AP1S2: variants seen among roughly 807,000 people sequenced by gnomAD.
AP1S2 encodes the protein AP-1 complex subunit sigma-2.
AP1S2 carries 1 observed loss-of-function variant against 14.3 expected under a neutral mutation model. The observed-to-expected ratio is 0.07, with a 90% CI of 0.02 to 0.33. The LOEUF is 0.33. AP1S2 is among the 10% of genes least tolerant of loss of function. The pLI, the probability that AP1S2 is intolerant of heterozygous loss-of-function variation, is 0.99. For synonymous variants in AP1S2, 30 were observed against 40.5 expected (o/e 0.74, Z 0.99); for missense variants, 30 against 117.7 (o/e 0.25, Z 3.45).
intron 2 of AP1S2, 85 bp downstream of exon 2, chrX:15,852,261 A>T: frequency 1.2e-6 from 1 of 867,266 alleles, no homozygotes; most frequent in Non-Finnish European, 1.6e-6. Context: ...ATCGTTATTT[A>T]TAAATGTCAT....
chrX:15,833,277 C>T (rs1277397166), intron 4 of AP1S2: 1 of 753,060 alleles, frequency 1.3e-6, no homozygotes, highest in African/African-American at 2.3e-5. Flanking sequence ...CTATGAACTA[C>T]ACCAGCAATT....
chrX:15,845,571 A>C, intron 3 of AP1S2, 55 bp from the exon 4 acceptor site: 1 of 1,177,419 alleles, frequency 8.5e-7, no homozygotes, highest in South Asian at 1.9e-5. Flanking sequence ...AAACTTGCAG[A>C]AGCAGAAGAT....
In AP1S2 at chrX:15,840,478, T is replaced by C. The variant is rs930779519; in HGVS notation, c.426+4901A>G. On this transcript the variant is annotated intron_variant, in intron 4 of 5. Transcript: ENST00000672987. The stretch of plus-strand genomic sequence containing the variant: ...CTCCATTTTATCCATGCCACAAAAA[T>C]GGTAAATTTAGTAGTTACCAATAAA... 3 of 890,484 alleles carry C rather than the reference T, an allele frequency of 3.4e-6. No homozygotes were observed. In the African/African-American group the frequency reaches 6.3e-5, roughly 19 times the overall value. 73.4% of individuals were successfully genotyped at this position (890,484 alleles called of 1,213,427 possible).
rs1197957059 is a variant in AP1S2, at chrX:15,826,010, C to G, written c.*1315G>C. ...CTGAAAAAAAAATGAGAAATTCTTC[C>G]TTCAGCAGCTCTGCATAGTTTGACA... is the stretch of plus-strand genomic sequence containing the variant. On this transcript the variant is annotated 3_prime_UTR_variant, in exon 6 of 6. Transcript: ENST00000672987. The G allele has an allele frequency of 9.0e-6, 1 of 111,623 alleles. No homozygotes were observed. The highest frequency in any genetic ancestry group is 1.9e-5 in the Non-Finnish European group (1 of 53,100). 9.2% of individuals were successfully genotyped at this position (111,623 alleles called of 1,213,427 possible).
intron 4 of AP1S2, among the ~76,000 whole-genome samples, chrX:15,842,221 T>C (rs1234438059): frequency 8.9e-6 from 1 of 112,489 alleles, no homozygotes; most frequent in Non-Finnish European, 1.9e-5. Flanking sequence ...GAACATAATA[T>C]TCAAATACTC....
intron 4 of AP1S2, chrX:15,840,484 AT>A: frequency 1.1e-6 from 1 of 922,611 alleles, no homozygotes; most frequent in South Asian, 2.1e-5. Context: ...AAAATGGTAA[AT>A]TTAGTAGTTA....
chrX:15,849,126 TA>T (rs1188385539), intron 2 of AP1S2, among the ~76,000 whole-genome samples: 8 of 111,995 alleles, frequency 7.1e-5, no homozygotes, highest in Non-Finnish European at 1.3e-4. Flanking sequence ...TTTAAAGTCA[TA>T]AAACTAGCTA....
intron 2 of AP1S2, among the ~76,000 whole-genome samples, chrX:15,846,529 A>G (rs1332538958): frequency 1.8e-5 from 2 of 111,686 alleles, no homozygotes; most frequent in Non-Finnish European, 3.8e-5. Flanking sequence ...ACTCAACTAT[A>G]TATCAGCACC....
intron 2 of AP1S2, among the ~76,000 whole-genome samples, chrX:15,851,777 C>A (rs2147327248): frequency 9.0e-6 from 1 of 111,703 alleles, no homozygotes; most frequent in East Asian, 2.8e-4. Flanking sequence ...AATTGCACCC[C>A]CACCATAGCA....
chrX:15,832,065 A>AC (rs1395828933), intron 4 of AP1S2: 1 of 745,810 alleles, frequency 1.3e-6, no homozygotes, highest in African/African-American at 2.3e-5. Context: ...ACTTATACCT[A>AC]CAAAAGCAAA....
intron 4 of AP1S2, among the ~76,000 whole-genome samples, chrX:15,841,652 A>G (rs992454335): frequency 8.9e-6 from 1 of 112,044 alleles, no homozygotes; most frequent in Non-Finnish European, 1.9e-5. Context: ...TTATATCTAC[A>G]TATCCAATAA....
At chrX:15,838,630 G>A (rs1933727931) in intron 4 of AP1S2, among the ~76,000 whole-genome samples, 1 of 110,769 alleles carries the variant, frequency 9.0e-6, no homozygotes, top group African/African-American at 3.3e-5. Context: ...GAAATAGCAA[G>A]CGGAAAATCC....
rs768149575 is a variant in AP1S2 at position 15,828,066 on chromosome X, C to T, written c.435+126G>A. 11 of 417,325 alleles carry T rather than the reference C, an allele frequency of 2.6e-5. No individual in the cohort carries two copies. In the South Asian group the frequency reaches 6.0e-4, roughly 23 times the overall value. The allele number at this position is 417,325 out of a possible 1,213,427, so 34.4% of individuals were successfully genotyped here. On this transcript the variant is annotated intron_variant, in intron 5 of 5. Transcript: ENST00000672987. ...CCAAAGTGGCTGATTTTGCAAATCACAAAATAAAGGACCAAGGAGGCCAAC... is the reference window on the plus strand; with the variant it reads ...CCAAAGTGGCTGATTTTGCAAATCATAAAATAAAGGACCAAGGAGGCCAAC...
At position 15,850,200 on chromosome X, in the gene AP1S2, A is replaced by T. The variant is rs967658954; in HGVS notation, c.179+2146T>A. On this transcript the variant is annotated intron_variant, in intron 2 of 5. Coordinates refer to ENST00000672987, the MANE Select transcript of AP1S2 (RefSeq NM_001272071.2). The stretch of plus-strand genomic sequence containing the variant: ...TCCATACTTACACCAACCACATCCC[A>T]CCAGAAAATCAGGCTTCTCTTAATG... Among the ~76,000 whole-genome samples the T allele has an allele frequency of 5.4e-5, 6 of 111,032 alleles. No homozygotes were observed. The East Asian group carries it at 1.4e-3, about 26-fold the overall frequency.
At chrX:15,839,621 C>A (rs1933765334) in intron 4 of AP1S2, among the ~76,000 whole-genome samples, 1 of 108,325 alleles carries the variant, frequency 9.2e-6, no homozygotes. Flanking sequence ...GCTTGGACTA[C>A]AGACACACAC....
intron 4 of AP1S2, chrX:15,831,911 T>C: frequency 1.3e-6 from 1 of 749,494 alleles, no homozygotes; most frequent in East Asian, 1.5e-4. Flanking sequence ...AATTAGAATA[T>C]TCCCCTTCCA....
Position 15,854,708 on chromosome X carries a change from G to A in AP1S2, c.-21C>T. Reference sequence around the variant, plus strand: ...CTTACGGCGGCCGCGGGCCGCGGGCGCGGCGGAGCTTGGCCGGCGGCGGCG... The same window carrying A: ...CTTACGGCGGCCGCGGGCCGCGGGCACGGCGGAGCTTGGCCGGCGGCGGCG... On this transcript the variant is annotated 5_prime_UTR_variant, in exon 1 of 6. Transcript: ENST00000672987. 1.3e-6 allele frequency: 1 copy of A among 782,614 alleles called. No individual in the cohort carries two copies. The highest frequency in any genetic ancestry group is 1.5e-6 in the Non-Finnish European group (1 of 658,051). 64.5% of individuals were successfully genotyped at this position (782,614 alleles called of 1,213,427 possible). A position where few individuals can be genotyped will look rare whatever the true frequency, so the allele number is the denominator to read the frequency against.
At position 15,827,140 on chromosome X, in the gene AP1S2, C is replaced by G; in HGVS notation, c.*185G>C. ...CACCATTCTAATTCATATTTAAGTC[C>G]CTTATCACTTAATTAACTAAAGTTC... is the stretch of plus-strand genomic sequence containing the variant. On this transcript the variant is annotated 3_prime_UTR_variant, in exon 6 of 6. Transcript: ENST00000672987. The G allele has an allele frequency of 2.1e-6, 1 of 470,264 alleles. No individual in the cohort carries two copies. The highest frequency in any genetic ancestry group is 2.4e-5 in the African/African-American group (1 of 42,210). The allele number at this position is 470,264 out of a possible 1,213,427, so 38.8% of individuals were successfully genotyped here. A position where few individuals can be genotyped will look rare whatever the true frequency, so the allele number is the denominator to read the frequency against.
chrX:15,834,868 GTT>G (rs1933583064), intron 4 of AP1S2, among the ~76,000 whole-genome samples: 6 of 110,107 alleles, frequency 5.4e-5, no homozygotes, highest in Non-Finnish European at 1.1e-4. Context: ...GAAGAAAAAT[GTT>G]GTTCTCAACA....
Sources: allele counts gnomAD v4.1 joint callset (sites outside exome capture counted in the v4.1 genomes callset), GRCh38; gene constraint gnomAD v4.1.1; transcripts MANE v1.5; gene names NCBI Gene and HGNC (gene_info 2026-07-23, HGNC 2026-07-21).